ACO2: variants seen among roughly 807,000 people sequenced by gnomAD.
The protein encoded by ACO2 is aconitase 2, also known as aconitate hydratase, mitochondrial.
ACO2 carries 31 observed loss-of-function variants against 84.5 expected under a neutral mutation model. The ratio of observed to expected loss-of-function variants is 0.37; its 90% CI spans 0.28 to 0.50. The LOEUF (loss-of-function observed/expected upper bound fraction) is 0.50, where lower values mean the gene tolerates loss of function less well. Among genes scored for constraint, ACO2 ranks in the 20% least tolerant of loss-of-function variants. The probability of loss-of-function intolerance (pLI) is 0.97; values close to 1 mark genes in which losing one functional copy is unlikely to be tolerated. For missense variants in ACO2, 685 were observed against 1,029.3 expected (o/e 0.67, Z 4.58); for synonymous variants, 414 against 412.7 (o/e 1.00, Z -0.04).
intron 16 of ACO2, 170 bp downstream of exon 16, chr22:41,527,590 AGCTTCCCG>A (rs1343268964): frequency 4.0e-6 from 4 of 993,108 alleles, no homozygotes; most frequent in East Asian, 2.6e-5. Flanking sequence ...TCCGACGCTC[AGCTTCCCG>A]GCTTCCCGCA....
chr22:41,525,109 GC>G, intron 13 of ACO2, 83 bp from the exon 14 acceptor site: 1 of 1,593,790 alleles, frequency 6.3e-7, no homozygotes. Context: ...GGGAGGTGGG[GC>G]CCGAGGAAAC....
At chr22:41,512,498 G>T (rs1468860301) in intron 4 of ACO2, among the ~76,000 whole-genome samples, 1 of 152,204 alleles carries the variant, frequency 6.6e-6, no homozygotes, top group Non-Finnish European at 1.5e-5. Context: ...GGGACACCTA[G>T]CTGGCTTACT....
intron 11 of ACO2, 83 bp from the exon 12 acceptor site, chr22:41,523,747 A>G: frequency 7.7e-7 from 1 of 1,296,332 alleles, no homozygotes; most frequent in Non-Finnish European, 1.1e-6. Flanking sequence ...GGGCTGCGCC[A>G]CAGGAACCCA....
chr22:41,520,454 C>G (rs1286899409), intron 9 of ACO2, among the ~76,000 whole-genome samples, 178 bp downstream of exon 9: 7 of 151,994 alleles, frequency 4.6e-5, no homozygotes, highest in Admixed American at 2.0e-4. Context: ...GCTTGAAATC[C>G]CAGCATTTCA....
intron 13 of ACO2, 83 bp from the exon 14 acceptor site, chr22:41,525,110 C>A: frequency 6.3e-7 from 1 of 1,592,998 alleles, no homozygotes; most frequent in South Asian, 1.1e-5. Context: ...GGAGGTGGGG[C>A]CCGAGGAAAC....
intron 1 of ACO2, among the ~76,000 whole-genome samples, chr22:41,474,556 G>A (rs1259097565): frequency 7.0e-6 from 1 of 142,448 alleles, no homozygotes; most frequent in Non-Finnish European, 1.5e-5. Context: ...GCCTCCCAAA[G>A]TGCTGGGATT....
chr22:41,528,672 T>G lies in ACO2; in HGVS notation c.*59T>G. ...AGTTCAGCTCCACGTGTGCCATCAG[T>G]GGATCCGATCCGTCCAGCCATGGCT... On this transcript the variant is annotated 3_prime_UTR_variant, in exon 18 of 18. Coordinates refer to ENST00000216254, the MANE Select transcript of ACO2 (RefSeq NM_001098.3). The G allele has an allele frequency of 6.3e-7, 1 of 1,593,322 alleles. No homozygotes were observed. The highest frequency in any genetic ancestry group is 8.5e-7 in the Non-Finnish European group (1 of 1,172,852).
chr22:41,518,088 G>A (rs528034180), intron 7 of ACO2, among the ~76,000 whole-genome samples: 1 of 152,338 alleles, frequency 6.6e-6, no homozygotes, highest in South Asian at 2.1e-4. Context: ...GAGGGCATTG[G>A]CACCTGTGAA....
At chr22:41,528,444 C>A in intron 17 of ACO2, 35 bp from the exon 18 acceptor site, 1 of 1,608,078 alleles carries the variant, frequency 6.2e-7, no homozygotes, top group Non-Finnish European at 8.5e-7. Flanking sequence ...ACACAGTACC[C>A]ACCACTTCCA....
intron 6 of ACO2, chr22:41,516,127 A>G: frequency 1.5e-6 from 1 of 686,050 alleles, no homozygotes. Context: ...AGATTGAGAT[A>G]CCTGTCGAGG....
rs2066344784 is a variant in ACO2, at chr22:41,500,306, ATTTT to A, written c.173+445_173+448del. On this transcript the variant is annotated intron_variant, in intron 2 of 17. Transcript: ENST00000216254. ...GATGGGACCTTTTTAATTTAATTTTATTTTATTTTATTTTATTTTATTTATATAT... is the reference window on the plus strand; with the variant it reads ...GATGGGACCTTTTTAATTTAATTTTAATTTTATTTTATTTTATTTATATAT... Among the ~76,000 whole-genome samples, 6 of 147,436 alleles carry A rather than the reference ATTTT, an allele frequency of 4.1e-5. No individual in the cohort carries two copies. In the South Asian group the frequency reaches 6.3e-4, roughly 15 times the overall value.
At chr22:41,509,433 A>C (rs1369419690) in intron 3 of ACO2, among the ~76,000 whole-genome samples, 1 of 152,128 alleles carries the variant, frequency 6.6e-6, no homozygotes, top group Non-Finnish European at 1.5e-5. Context: ...TGGCCGAGGT[A>C]GGTAACTGCA....
In ACO2 at chr22:41,496,964, G is replaced by T. The variant is rs1056814360; in HGVS notation, c.37-2762G>T. 1.1e-4 allele frequency among the ~76,000 whole-genome samples: 16 copies of T among 152,194 alleles called. 1 individual carries two copies. The highest frequency in any genetic ancestry group is 7.2e-4 in the Admixed American group (11 of 15,274). ...ATATCCAGGTGACATACAGAAGGGA[G>T]CCTGGGGCAGTGGCTTCAGCTTTGC... On this transcript the variant is annotated intron_variant, in intron 1 of 17. Coordinates refer to ENST00000216254, the MANE Select transcript of ACO2 (RefSeq NM_001098.3).
intron 2 of ACO2, among the ~76,000 whole-genome samples, chr22:41,507,263 T>C (rs572097484): frequency 4.0e-4 from 60 of 151,774 alleles, no homozygotes; most frequent in Non-Finnish European, 7.2e-4. Flanking sequence ...GTGTGGAGGG[T>C]TGTAGATGGC....
chr22:41,500,495 G>A (rs2066346822), intron 2 of ACO2, among the ~76,000 whole-genome samples: 1 of 150,464 alleles, frequency 6.6e-6, no homozygotes. Flanking sequence ...AACGATTCTT[G>A]TGCCTCAGCT....
chr22:41,474,682 T>G (rs1002589315), intron 1 of ACO2, among the ~76,000 whole-genome samples: 1 of 135,364 alleles, frequency 7.4e-6, no homozygotes, highest in Non-Finnish European at 1.5e-5. Context: ...CACTGCAAGC[T>G]CCGCCTCCCA....
intron 1 of ACO2, 133 bp downstream of exon 1, chr22:41,469,315 C>T (rs1026459794): frequency 1.2e-4 from 134 of 1,110,058 alleles, no homozygotes; most frequent in East Asian, 5.7e-5. Context: ...GGTTGTGGGC[C>T]CGGCACCCGT....
chr22:41,507,801 C>T lies in ACO2; in HGVS notation c.184C>T (p.Pro62Ser). The T allele has an allele frequency of 6.2e-7, 1 of 1,613,800 alleles. No individual in the cohort carries two copies. The highest frequency in any genetic ancestry group is 8.5e-7 in the Non-Finnish European group (1 of 1,179,784). Residue 62 changes from proline (P) to serine (S), a missense_variant, in exon 3 of 18, where the codon CCG becomes TCG. Pro to Ser is a moderately conservative substitution (Grantham distance 74). Coordinates refer to ENST00000216254, the MANE Select transcript of ACO2 (RefSeq NM_001098.3). ...INIVRKRLNR[P>S]LTLSEKIVYG... ...CTCTTCTCCCCACAGACTGAACCGG[C>T]CGCTGACACTCTCGGAGAAGATTGT...
At chr22:41,473,819 C>T (rs2037974854) in intron 1 of ACO2, among the ~76,000 whole-genome samples, 1 of 152,126 alleles carries the variant, frequency 6.6e-6, no homozygotes, top group South Asian at 2.1e-4. Flanking sequence ...GGAGCATGTG[C>T]AGAGCACCCA....
Sources: gnomAD v4.1 joint callset for allele counts (sites outside exome capture counted in the v4.1 genomes callset) on GRCh38, gnomAD v4.1.1 for gene constraint, MANE v1.5 for transcripts, NCBI Gene and HGNC (gene_info 2026-07-23, HGNC 2026-07-21) for gene names.